SNX29: variants seen among roughly 807,000 people sequenced by gnomAD.
SNX29 encodes sorting nexin 29.
A neutral mutation model predicts 102.1 loss-of-function variants in SNX29; 78 were observed. That is an observed-to-expected ratio of 0.76 (90% CI 0.64 to 0.92). The LOEUF is 0.92. SNX29 is among the 40% of genes least tolerant of loss of function. The pLI is 0.00. For missense variants in SNX29, 1,280 were observed against 1,061.7 expected (o/e 1.21, Z -2.86); for synonymous variants, 580 against 414.5 (o/e 1.40, Z -4.85).
At chr16:11,988,903 G>A (rs1036476006) in intron 1 of SNX29, among the ~76,000 whole-genome samples, 3 of 152,282 alleles carry the variant, frequency 2.0e-5, no homozygotes, top group South Asian at 2.1e-4. Flanking sequence ...GACAGAGAGT[G>A]TATGGCCTGC....
chr16:12,497,666 C>A (rs2088898830), intron 19 of SNX29, among the ~76,000 whole-genome samples: 1 of 152,164 alleles, frequency 6.6e-6, no homozygotes, highest in Non-Finnish European at 1.5e-5. Flanking sequence ...GTATCTGTTC[C>A]TGTTTTTTTC....
At chr16:12,126,071 C>CT (rs1567229849) in intron 11 of SNX29, among the ~76,000 whole-genome samples, 4 of 152,080 alleles carry the variant, frequency 2.6e-5, no homozygotes, top group African/African-American at 9.7e-5. Context: ...TTTAAAAAAT[C>CT]TTTTTTATTT....
chr16:12,293,383 C>G (rs1375438304), intron 15 of SNX29, among the ~76,000 whole-genome samples: 1 of 152,244 alleles, frequency 6.6e-6, no homozygotes, highest in African/African-American at 2.4e-5. Context: ...GGACCCAGTT[C>G]TGATAACAGC....
chr16:12,370,331 G>A (rs1217134140), intron 16 of SNX29, among the ~76,000 whole-genome samples: 9 of 151,570 alleles, frequency 5.9e-5, no homozygotes, highest in African/African-American at 1.9e-4. Flanking sequence ...AGGCCAAGGC[G>A]AGCGGATCAC....
Position 12,570,240 on chromosome 16 carries a change from C to A in SNX29, c.*1611C>A, listed in dbSNP as rs1278344617. Reference sequence around the variant, plus strand: ...CCAGATAAGCCCTGCCCCGGTGAGACCAAATGAGCTGGAGCATGTATGGAG... The same window carrying A: ...CCAGATAAGCCCTGCCCCGGTGAGAACAAATGAGCTGGAGCATGTATGGAG... On this transcript the variant is annotated 3_prime_UTR_variant, in exon 21 of 21. Transcript: ENST00000566228. The A allele has an allele frequency of 8.4e-6, 9 of 1,065,178 alleles. No homozygotes were observed. The highest frequency in any genetic ancestry group is 1.6e-5 in the African/African-American group (1 of 61,078). 66.0% of individuals were successfully genotyped at this position (1,065,178 alleles called of 1,614,324 possible). A position where few individuals can be genotyped will look rare whatever the true frequency, so the allele number is the denominator to read the frequency against.
At chr16:12,522,550 G>C (rs2090140468) in intron 19 of SNX29, among the ~76,000 whole-genome samples, 1 of 152,122 alleles carries the variant, frequency 6.6e-6, no homozygotes, top group Admixed American at 6.5e-5. Context: ...CTGGATCATG[G>C]GGGTGGATTT....
At chr16:12,011,876 T>G (rs1373083490) in intron 3 of SNX29, among the ~76,000 whole-genome samples, 1 of 152,180 alleles carries the variant, frequency 6.6e-6, no homozygotes, top group Non-Finnish European at 1.5e-5. Context: ...GATACTCACT[T>G]GCTAGGGTTA....
At chr16:12,423,976 A>G (rs1262961188) in intron 18 of SNX29, among the ~76,000 whole-genome samples, 2 of 152,170 alleles carry the variant, frequency 1.3e-5, no homozygotes, top group African/African-American at 4.8e-5. Context: ...GTTTCTCACC[A>G]GAGAGTGTGA....
chr16:12,062,802 A>C (rs1260065048), intron 9 of SNX29, among the ~76,000 whole-genome samples: 1 of 152,174 alleles, frequency 6.6e-6, no homozygotes, highest in African/African-American at 2.4e-5. Context: ...GGCAGGGAGC[A>C]TAAACCTACT....
In SNX29 at chr16:12,549,948, A is replaced by C. The variant is rs373447842; in HGVS notation, c.2319-18558A>C. ...ACCCTCCACCTGTTTTTTATAAGTAAAGTTTTATTGGAACATGCCCAGTCA... is the reference window on the plus strand; with the variant it reads ...ACCCTCCACCTGTTTTTTATAAGTACAGTTTTATTGGAACATGCCCAGTCA... On this transcript the variant is annotated intron_variant, in intron 20 of 20. Coordinates refer to ENST00000566228, the MANE Select transcript of SNX29 (RefSeq NM_032167.5). 5.3e-5 allele frequency among the ~76,000 whole-genome samples: 8 copies of C among 152,206 alleles called. No homozygotes were observed. The East Asian group carries it at 1.5e-3, about 29-fold the overall frequency.
intron 11 of SNX29, among the ~76,000 whole-genome samples, chr16:12,106,648 A>ATTT (rs57242428): frequency 1.4e-5 from 2 of 142,288 alleles, no homozygotes; most frequent in African/African-American, 5.2e-5. Context: ...TCATTTTTCT[A>ATTT]TTTTTTTTTT....
chr16:12,457,894 A>G (rs1008800425), intron 18 of SNX29, among the ~76,000 whole-genome samples: 10 of 152,230 alleles, frequency 6.6e-5, no homozygotes, highest in Non-Finnish European at 1.0e-4. Flanking sequence ...GGGAGACAAA[A>G]GAGGGTTCCT....
chr16:12,236,654 C>G (rs1278118894), intron 14 of SNX29, among the ~76,000 whole-genome samples: 2 of 152,216 alleles, frequency 1.3e-5, no homozygotes, highest in Non-Finnish European at 2.9e-5. Flanking sequence ...TGTTGGAAAA[C>G]CAGCCACAGG....
chr16:12,465,982 A>G (rs1159840881), intron 18 of SNX29, among the ~76,000 whole-genome samples: 1 of 152,228 alleles, frequency 6.6e-6, no homozygotes, highest in East Asian at 1.9e-4. Flanking sequence ...AATGAGGTAT[A>G]GAAGGATGTA....
chr16:12,029,037 C>T (rs185972507), intron 4 of SNX29, among the ~76,000 whole-genome samples: 2 of 151,958 alleles, frequency 1.3e-5, no homozygotes, highest in Non-Finnish European at 2.9e-5. Context: ...TAAGCCACTG[C>T]GCCTGGCCTT....
rs1269505084 is a variant in SNX29, at chr16:12,116,933, A to C, written c.1403-9700A>C. Among the ~76,000 whole-genome samples the C allele has an allele frequency of 2.0e-3, 234 of 116,494 alleles. No individual in the cohort carries two copies. The Middle Eastern group carries it at 0.031, about 16-fold the overall frequency. 76.4% of individuals were successfully genotyped at this position (116,494 alleles called of 152,430 possible). A position where few individuals can be genotyped will look rare whatever the true frequency, so the allele number is the denominator to read the frequency against. Reference sequence around the variant, plus strand: ...GGCACGGTCAATACGTGCTTCAACGAGGACGAACCATGGAAACAGGAGTGG... The same window carrying C: ...GGCACGGTCAATACGTGCTTCAACGCGGACGAACCATGGAAACAGGAGTGG... On this transcript the variant is annotated intron_variant, in intron 11 of 20. Coordinates refer to ENST00000566228, the MANE Select transcript of SNX29 (RefSeq NM_032167.5).
rs11640862 is a variant in SNX29, at chr16:12,573,477, G to C, written c.*4848G>C. The C allele has an allele frequency of 0.13, 29,708 of 223,942 alleles. 2,242 individuals are homozygous for C. Among genetic ancestry groups the C allele is most frequent in the South Asian group, 0.23 (1,264 of 5,430 alleles). 13.9% of individuals were successfully genotyped at this position (223,942 alleles called of 1,614,324 possible). A position where few individuals can be genotyped will look rare whatever the true frequency, so the allele number is the denominator to read the frequency against. The stretch of plus-strand genomic sequence containing the variant: ...GACATTAAGGAGCAGCGCTGCTGGC[G>C]GAAGATTCTAGATTCACTGGTGGTT... On this transcript the variant is annotated 3_prime_UTR_variant, in exon 21 of 21. Coordinates refer to ENST00000566228, the MANE Select transcript of SNX29 (RefSeq NM_032167.5).
chr16:12,335,783 G>C (rs2081429371), intron 15 of SNX29, among the ~76,000 whole-genome samples: 1 of 151,870 alleles, frequency 6.6e-6, no homozygotes, highest in African/African-American at 2.4e-5. Flanking sequence ...GATTATTTCA[G>C]TGAATTTTTC....
At chr16:12,029,828 G>T (rs2057291945) in intron 4 of SNX29, 1 of 340,464 alleles carries the variant, frequency 2.9e-6, no homozygotes, top group South Asian at 2.3e-5. Flanking sequence ...CTGACTTCAG[G>T]TAATCTGCCC....
Sources: allele counts gnomAD v4.1 joint callset (sites outside exome capture counted in the v4.1 genomes callset), GRCh38; gene constraint gnomAD v4.1.1; transcripts MANE v1.5; gene names NCBI Gene and HGNC (gene_info 2026-07-23, HGNC 2026-07-21).